Variants in NUTM2A observed in about 807,000 individuals in gnomAD.
NUTM2A encodes the protein family with sequence similarity 22, member A.
Under a neutral mutation model 24.4 loss-of-function variants are expected in NUTM2A, and 3 were observed. The observed-to-expected ratio is 0.12, with a 90% CI of 0.06 to 0.32. NUTM2A has a LOEUF of 0.32. Ranked by LOEUF, NUTM2A falls within the 10% of genes least tolerant of loss-of-function variation. NUTM2A has a pLI of 1.00. For missense variants in NUTM2A, 39 were observed against 631.1 expected (o/e 0.06, Z 10.05); for synonymous variants, 11 against 278.4 (o/e 0.04, Z 9.56).
Position 87,228,461 on chromosome 10 carries a change from G to C in NUTM2A, c.581G>C (p.Gly194Ala), listed in dbSNP as rs1445458077. 6.2e-7 allele frequency: 1 copy of C among 1,611,726 alleles called. No individual in the cohort carries two copies. Among genetic ancestry groups the C allele is most frequent in the Non-Finnish European group, 8.5e-7 (1 of 1,179,718 alleles). The change falls in exon 2 of 7, where the codon GGC becomes GCC. Residue 194 changes from glycine (G) to alanine (A), a missense_variant. Coordinates refer to ENST00000381707, the MANE Select transcript of NUTM2A (RefSeq NM_001099338.2). Reference sequence around the variant, plus strand: ...CTGGTGACAGAACAGGATGGCTGCGGCCCGAGTGGGGCCGGGGCTTCCAAC... The same window carrying C: ...CTGGTGACAGAACAGGATGGCTGCGCCCCGAGTGGGGCCGGGGCTTCCAAC... ...TPLVTEQDGCGPSGAGASNVF... is the reference protein window; with the variant it reads ...TPLVTEQDGCAPSGAGASNVF...
In NUTM2A at chr10:87,234,245, GC is replaced by G. The variant is rs1205923679; in HGVS notation, c.2177del (p.Pro726LeufsTer85). 5 of 866,450 alleles carry G rather than the reference GC, an allele frequency of 5.8e-6. No homozygotes were observed. Among genetic ancestry groups the G allele is most frequent in the Non-Finnish European group, 8.9e-6 (5 of 559,218 alleles). 53.7% of individuals were successfully genotyped at this position (866,450 alleles called of 1,614,324 possible). A position where few individuals can be genotyped will look rare whatever the true frequency, so the allele number is the denominator to read the frequency against. On this transcript the variant is annotated frameshift_variant, in exon 7 of 7. Coordinates refer to ENST00000381707, the MANE Select transcript of NUTM2A (RefSeq NM_001099338.2). LOFTEE classifies it low-confidence loss of function (END_TRUNC). ...CCTCCCCAGGACCACAGACCCACCTGCCCTGGCGTGGGTACCAAGGATGCCT... is the reference window on the plus strand; with the variant it reads ...CCTCCCCAGGACCACAGACCCACCTGCCTGGCGTGGGTACCAAGGATGCCT... ...TSPPQDHRPT[C>X]PGVGTKDALD...
In NUTM2A at chr10:87,234,874, G is replaced by T. The variant is rs1849412594; in HGVS notation, c.*166G>T. 8.0e-7 allele frequency: 1 copy of T among 1,244,512 alleles called. No individual in the cohort carries two copies. Among genetic ancestry groups the T allele is most frequent in the African/African-American group, 1.6e-5 (1 of 61,270 alleles). The allele number at this position is 1,244,512 out of a possible 1,614,324, so 77.1% of individuals were successfully genotyped here. On this transcript the variant is annotated 3_prime_UTR_variant, in exon 7 of 7. Transcript: ENST00000381707. ...GGGAGAGGGTGGCTGAATGGGGAGG[G>T]CAGGAAGGGAGGGTCTGGGGGGAAG... is the stretch of plus-strand genomic sequence containing the variant.
At chr10:87,229,489 G>T (rs1234681847) in intron 2 of NUTM2A, among the ~76,000 whole-genome samples, 10 of 152,222 alleles carry the variant, frequency 6.6e-5, no homozygotes, top group African/African-American at 2.4e-4. Flanking sequence ...TGCCGAGCAG[G>T]TATTTGCATC....
chr10:87,229,314 T>TA (rs1265339361), intron 2 of NUTM2A, among the ~76,000 whole-genome samples: 5 of 152,224 alleles, frequency 3.3e-5, no homozygotes, highest in African/African-American at 1.2e-4. Context: ...GCCTCCCCTT[T>TA]AACCCAGTAT....
At position 87,229,354 on chromosome 10, in the gene NUTM2A, G is replaced by A. The variant is rs377170903; in HGVS notation, c.1082+392G>A. Among the ~76,000 whole-genome samples the A allele has an allele frequency of 3.2e-4, 48 of 152,332 alleles. No homozygotes were observed. The East Asian group carries it at 7.3e-3, about 23-fold the overall frequency. On this transcript the variant is annotated intron_variant, in intron 2 of 6. Transcript: ENST00000381707. Reference sequence around the variant, plus strand: ...GGCCAGGAGCACCTCACATGGGGCCGGGGGGAGGAGCTGCAGGACCCAGCA... The same window carrying A: ...GGCCAGGAGCACCTCACATGGGGCCAGGGGGAGGAGCTGCAGGACCCAGCA...
intron 2 of NUTM2A, among the ~76,000 whole-genome samples, chr10:87,229,610 C>T (rs1448317779): frequency 2.0e-5 from 3 of 152,228 alleles, no homozygotes; most frequent in Non-Finnish European, 2.9e-5. Flanking sequence ...CTGGCACATG[C>T]TATGACACAT....
Position 87,229,340 on chromosome 10 carries a change from C to G in NUTM2A, c.1082+378C>G, listed in dbSNP as rs1002902706. 1.1e-4 allele frequency among the ~76,000 whole-genome samples: 16 copies of G among 152,340 alleles called. No individual in the cohort carries two copies. In the East Asian group the frequency reaches 3.1e-3, roughly 29 times the overall value. On this transcript the variant is annotated intron_variant, in intron 2 of 6. Transcript: ENST00000381707. ...AACCCAGTATTGATGGCCAGGAGCACCTCACATGGGGCCGGGGGGAGGAGC... is the reference window on the plus strand; with the variant it reads ...AACCCAGTATTGATGGCCAGGAGCAGCTCACATGGGGCCGGGGGGAGGAGC...
chr10:87,234,948 A>T lies in NUTM2A; in HGVS notation c.*240A>T, dbSNP rs1420012308. ...GCAGTGCGTTGGGGGCCTCGTGTGT[A>T]AGTGTGAATAAATGTAGTTGTCTTG... On this transcript the variant is annotated 3_prime_UTR_variant, in exon 7 of 7. Coordinates refer to ENST00000381707, the MANE Select transcript of NUTM2A (RefSeq NM_001099338.2). The T allele has an allele frequency of 3.2e-5, 47 of 1,457,032 alleles. 1 individual carries two copies. The highest frequency in any genetic ancestry group is 4.0e-5 in the Non-Finnish European group (44 of 1,099,686). 90.3% of individuals were successfully genotyped at this position (1,457,032 alleles called of 1,614,324 possible).
chr10:87,229,260 G>T (rs1284818533), intron 2 of NUTM2A, among the ~76,000 whole-genome samples: 3 of 152,314 alleles, frequency 2.0e-5, no homozygotes, highest in East Asian at 3.9e-4. Context: ...CTGGTGTGAC[G>T]TGAGCTACGG....
At chr10:87,229,087 A>G (rs1297971327) in intron 2 of NUTM2A, 125 bp downstream of exon 2, 26 of 1,522,404 alleles carry the variant, frequency 1.7e-5, no homozygotes, top group Non-Finnish European at 2.3e-5. Flanking sequence ...GGGCTGCACT[A>G]TGGGAAGGTA....
intron 2 of NUTM2A, among the ~76,000 whole-genome samples, chr10:87,229,650 C>T (rs1849361550): frequency 6.6e-6 from 1 of 152,158 alleles, no homozygotes; most frequent in South Asian, 2.1e-4. Context: ...TTACTGTCCC[C>T]ATTACTATCA....
intron 2 of NUTM2A, among the ~76,000 whole-genome samples, chr10:87,229,661 T>C (rs1428614111): frequency 1.3e-5 from 2 of 152,120 alleles, no homozygotes; most frequent in Non-Finnish European, 2.9e-5. Context: ...ATTACTATCA[T>C]TATCAAGACT....
intron 2 of NUTM2A, among the ~76,000 whole-genome samples, chr10:87,229,695 C>T (rs1272518435): frequency 1.3e-5 from 2 of 151,930 alleles, no homozygotes; most frequent in Non-Finnish European, 2.9e-5. Flanking sequence ...GAGCACTCCC[C>T]AAAGCCACGG....
rs1248978594 is a variant in NUTM2A, at chr10:87,232,643, C to T, written c.1392C>T (p.Ala464=). Reference sequence around the variant, plus strand: ...AGGCCGGCCCCAAGGCCCCGACTGCCTGCCTGCCACCACCCAGGCCCCAGA... The same window carrying T: ...AGGCCGGCCCCAAGGCCCCGACTGCTTGCCTGCCACCACCCAGGCCCCAGA... The part of the protein sequence containing the change: ...PSKAGPKAPT[A]CLPPPRPQRP... Residue 464 remains alanine (A), a synonymous_variant, in exon 5 of 7, where the codon GCC becomes GCT. Coordinates refer to ENST00000381707, the MANE Select transcript of NUTM2A (RefSeq NM_001099338.2). The T allele has an allele frequency of 1.6e-6, 1 of 608,732 alleles. No individual in the cohort carries two copies. The highest frequency in any genetic ancestry group is 3.0e-6 in the Non-Finnish European group (1 of 337,030). 37.7% of individuals were successfully genotyped at this position (608,732 alleles called of 1,614,324 possible).
At chr10:87,229,105 G>T in intron 2 of NUTM2A, 143 bp downstream of exon 2, 2 of 1,534,164 alleles carry the variant, frequency 1.3e-6, no homozygotes, top group South Asian at 2.3e-5. Flanking sequence ...GTATATTTTT[G>T]ACCATATTAA....
chr10:87,229,200 C>T, intron 2 of NUTM2A, among the ~76,000 whole-genome samples: 1 of 152,186 alleles, frequency 6.6e-6, no homozygotes, highest in Non-Finnish European at 1.5e-5. Flanking sequence ...TCCTTACTTT[C>T]AATAATTTTC....
rs535612253 is a variant in NUTM2A at position 87,233,214 on chromosome 10, C to T, written c.1734+229C>T. On this transcript the variant is annotated intron_variant, in intron 5 of 6. Coordinates refer to ENST00000381707, the MANE Select transcript of NUTM2A (RefSeq NM_001099338.2). ...TGTGGGTGTGAGTGTGGAGTGTGTA[C>T]GTTACCTGTGTCTGTGTCTTTTCCT... is the stretch of plus-strand genomic sequence containing the variant. 3.8e-3 allele frequency among the ~76,000 whole-genome samples: 332 copies of T among 87,762 alleles called. 26 individuals are homozygous for T. The highest frequency in any genetic ancestry group is 6.9e-3 in the Non-Finnish European group (285 of 41,342). 57.6% of individuals were successfully genotyped at this position (87,762 alleles called of 152,430 possible). A position where few individuals can be genotyped will look rare whatever the true frequency, so the allele number is the denominator to read the frequency against.
chr10:87,229,176 G>A (rs371230728), intron 2 of NUTM2A, among the ~76,000 whole-genome samples: 1,309 of 151,814 alleles, frequency 8.6e-3, no homozygotes, highest in African/African-American at 0.027. Context: ...TCACTGTCCC[G>A]TGAGTCCAGC....
At chr10:87,229,465 T>A (rs1021509721) in intron 2 of NUTM2A, among the ~76,000 whole-genome samples, 2 of 152,234 alleles carry the variant, frequency 1.3e-5, no homozygotes, top group African/African-American at 2.4e-5. Flanking sequence ...TCTTGGGCCC[T>A]GCACTGGGGC....
Sources: gnomAD v4.1 joint callset for allele counts (sites outside exome capture counted in the v4.1 genomes callset) on GRCh38, gnomAD v4.1.1 for gene constraint, MANE v1.5 for transcripts, NCBI Gene and HGNC (gene_info 2026-07-23, HGNC 2026-07-21) for gene names.